The following ERP44 variants were observed in gnomAD, a reference collection of about 807,000 sequenced individuals.
ERP44 encodes the protein endoplasmic reticulum resident protein 44.
In ERP44, 25 loss-of-function variants were observed where a neutral mutation model predicts 53.4. The ratio of observed to expected loss-of-function variants is 0.47; its 90% CI spans 0.34 to 0.65. ERP44 has a LOEUF of 0.65. Ranked by LOEUF, ERP44 falls within the 30% of genes least tolerant of loss-of-function variation. The pLI is 0.01. For synonymous variants in ERP44, 145 were observed against 161.2 expected (o/e 0.90, Z 0.76); for missense variants, 338 against 493.2 (o/e 0.69, Z 2.98).
intron 1 of ERP44, among the ~76,000 whole-genome samples, chr9:100,068,422 G>T (rs1587980196): frequency 9.6e-6 from 1 of 103,972 alleles, no homozygotes. Flanking sequence ...CGGGCCAGCC[G>T]CCCCGTCCGG....
At chr9:100,021,979 C>T in intron 5 of ERP44, 63 bp downstream of exon 5, 1 of 1,429,582 alleles carries the variant, frequency 7.0e-7, no homozygotes, top group Admixed American at 1.9e-5. Context: ...TTTTTGTTTG[C>T]ATTAGAATTT....
chr9:100,006,813 G>A (rs1227771247), intron 9 of ERP44, among the ~76,000 whole-genome samples, 166 bp from the exon 10 acceptor site: 2 of 152,140 alleles, frequency 1.3e-5, no homozygotes, highest in Non-Finnish European at 1.5e-5. Flanking sequence ...ACTTAAAATA[G>A]GTAGGCTTTT....
chr9:99,979,278 C>T lies in ERP44; in HGVS notation c.*3334G>A, dbSNP rs1168380374. 1 of 151,024 alleles carries T rather than the reference C, an allele frequency of 6.6e-6. No homozygotes were observed. The highest frequency in any genetic ancestry group is 2.4e-5 in the African/African-American group (1 of 41,166). 9.4% of individuals were successfully genotyped at this position (151,024 alleles called of 1,614,324 possible). A position where few individuals can be genotyped will look rare whatever the true frequency, so the allele number is the denominator to read the frequency against. ...TATTCTGTTCTTCCTGATTGTCAAT[C>T]CATTACACTACTTTATCCATTCCTT... is the stretch of plus-strand genomic sequence containing the variant. On this transcript the variant is annotated 3_prime_UTR_variant, in exon 12 of 12. Transcript: ENST00000262455.
intron 10 of ERP44, among the ~76,000 whole-genome samples, chr9:99,986,784 G>A (rs1440537771): frequency 6.6e-6 from 1 of 152,214 alleles, no homozygotes; most frequent in Admixed American, 6.5e-5. Context: ...TGTATTGACA[G>A]AATGCCTCTG....
intron 3 of ERP44, among the ~76,000 whole-genome samples, chr9:100,053,461 C>T (rs775305247): frequency 3.9e-5 from 6 of 152,132 alleles, no homozygotes; most frequent in African/African-American, 7.2e-5. Context: ...CACCATTAGG[C>T]GATTTCTTCA....
At chr9:100,073,783 C>T (rs537350521) in intron 1 of ERP44, among the ~76,000 whole-genome samples, 13 of 152,304 alleles carry the variant, frequency 8.5e-5, no homozygotes, top group Admixed American at 8.5e-4. Context: ...CATCTAACAG[C>T]AGAGGCTTTT....
At position 100,085,225 on chromosome 9, in the gene ERP44, A is replaced by C. The variant is rs139484974; in HGVS notation, c.57+13559T>G. Among the ~76,000 whole-genome samples the C allele has an allele frequency of 7.1e-3, 1,075 of 152,180 alleles. 6 individuals carry two copies. The highest frequency in any genetic ancestry group is 0.013 in the Non-Finnish European group (853 of 68,000). On this transcript the variant is annotated intron_variant, in intron 1 of 11. Coordinates refer to ENST00000262455, the MANE Select transcript of ERP44 (RefSeq NM_015051.3). ...ACAATTTACCCTCCTCTTTTAACCA[A>C]CTCTCCATCTTTCCAATGGTAGGTA...
intron 10 of ERP44, among the ~76,000 whole-genome samples, chr9:99,995,531 A>ATGTT (rs1830301648): frequency 1.4e-5 from 2 of 138,446 alleles, no homozygotes; most frequent in African/African-American, 6.4e-5. Context: ...AATCCCCATA[A>ATGTT]CCCCCAGCCT....
At chr9:100,036,799 G>C (rs963134284) in intron 4 of ERP44, among the ~76,000 whole-genome samples, 4 of 151,520 alleles carry the variant, frequency 2.6e-5, no homozygotes, top group African/African-American at 9.7e-5. Context: ...TCGGAGCTAA[G>C]AGAGTTGAGC....
chr9:100,045,249 C>T lies in ERP44; in HGVS notation c.286+7168G>A, dbSNP rs138901757. On this transcript the variant is annotated intron_variant, in intron 4 of 11. Coordinates refer to ENST00000262455, the MANE Select transcript of ERP44 (RefSeq NM_015051.3). ...CTTGAAAATTCCTACTCTTCCTTCA[C>T]TTTTTTTAATCATTTCCTCGAAAAC... is the stretch of plus-strand genomic sequence containing the variant. 5.6e-3 allele frequency among the ~76,000 whole-genome samples: 849 copies of T among 152,294 alleles called. 11 individuals are homozygous for T. The highest frequency in any genetic ancestry group is 0.019 in the African/African-American group (803 of 41,572).
At chr9:100,016,590 C>T (rs140675857) in intron 7 of ERP44, 152 bp from the exon 8 acceptor site, 9 of 1,156,972 alleles carry the variant, frequency 7.8e-6, no homozygotes, top group African/African-American at 6.4e-5. Context: ...CAGCCTTGAC[C>T]TCCTGGGCTC....
In ERP44 at chr9:99,993,665, A is replaced by T. The variant is rs1028200479; in HGVS notation, c.1017-8596T>A. ...ACAAAAGCCAAAATTGACAAATGGG[A>T]TCTAATTAAACTAAAGAGCTTCTGC... On this transcript the variant is annotated intron_variant, in intron 10 of 11. Transcript: ENST00000262455. Among the ~76,000 whole-genome samples the T allele has an allele frequency of 2.0e-5, 3 of 152,222 alleles. No homozygotes were observed. The East Asian group carries it at 5.8e-4, about 29-fold the overall frequency.
At chr9:100,015,590 G>A (rs1015007358) in intron 8 of ERP44, among the ~76,000 whole-genome samples, 5 of 152,104 alleles carry the variant, frequency 3.3e-5, no homozygotes, top group Non-Finnish European at 7.4e-5. Flanking sequence ...AACATTAACT[G>A]CTTTACAAAA....
chr9:100,089,698 G>A (rs984649729), intron 1 of ERP44, among the ~76,000 whole-genome samples: 1 of 151,894 alleles, frequency 6.6e-6, no homozygotes, highest in African/African-American at 2.4e-5. Context: ...ACGCTGAGGT[G>A]GCTAAGATCT....
chr9:100,059,591 G>C (rs998852414), intron 2 of ERP44, among the ~76,000 whole-genome samples: 1 of 152,112 alleles, frequency 6.6e-6, no homozygotes, highest in South Asian at 2.1e-4. Flanking sequence ...GGAAGGTTGA[G>C]GAAAGAGGAT....
chr9:100,070,295 A>G (rs139059805), intron 1 of ERP44, among the ~76,000 whole-genome samples: 1 of 152,346 alleles, frequency 6.6e-6, no homozygotes, highest in East Asian at 1.9e-4. Flanking sequence ...CAGTGTCAAC[A>G]TGCTAGACAC....
chr9:100,063,862 T>TC (rs985198639), intron 1 of ERP44, among the ~76,000 whole-genome samples: 1 of 152,160 alleles, frequency 6.6e-6, no homozygotes, highest in African/African-American at 2.4e-5. Flanking sequence ...ATTAGATAAC[T>TC]CCTCCATGCA....
At chr9:99,986,281 T>G (rs1830194986) in intron 10 of ERP44, among the ~76,000 whole-genome samples, 1 of 152,194 alleles carries the variant, frequency 6.6e-6, no homozygotes, top group South Asian at 2.1e-4. Flanking sequence ...AAATTAAAAT[T>G]GGTTTTGCTA....
At chr9:100,006,046 C>T (rs563733595) in intron 10 of ERP44, among the ~76,000 whole-genome samples, 5 of 152,276 alleles carry the variant, frequency 3.3e-5, no homozygotes, top group African/African-American at 7.2e-5. Context: ...CCATTAGAAA[C>T]GCCTAGTAAT....
Sources: gnomAD v4.1 joint callset for allele counts (sites outside exome capture counted in the v4.1 genomes callset) on GRCh38, gnomAD v4.1.1 for gene constraint, MANE v1.5 for transcripts, NCBI Gene and HGNC (gene_info 2026-07-23, HGNC 2026-07-21) for gene names.